Variants in ROBO1 observed in about 807,000 individuals in gnomAD.
ROBO1 encodes roundabout homolog 1.
A neutral mutation model predicts 195.9 loss-of-function variants in ROBO1; 149 were observed. The ratio of observed to expected loss-of-function variants is 0.76; its 90% CI spans 0.67 to 0.87. ROBO1 has a LOEUF of 0.87. Among genes scored for constraint, ROBO1 ranks in the 40% least tolerant of loss-of-function variants. The probability of loss-of-function intolerance (pLI) is 0.00; values close to 1 mark genes in which losing one functional copy is unlikely to be tolerated. For synonymous variants in ROBO1, 816 were observed against 733.2 expected (o/e 1.11, Z -1.82); for missense variants, 1,933 against 2,068.3 (o/e 0.93, Z 1.27).
At chr3:79,711,924 C>T (rs1039625441) in intron 1 of ROBO1, among the ~76,000 whole-genome samples, 2 of 4,128 alleles carry the variant, frequency 4.8e-4, no homozygotes, top group Admixed American at 1.9e-3. Context: ...GGGGGATGGG[C>T]GGGTGGGTGG....
intron 1 of ROBO1, among the ~76,000 whole-genome samples, chr3:79,683,121 T>C (rs1186128715): frequency 1.3e-5 from 2 of 152,048 alleles, no homozygotes; most frequent in Non-Finnish European, 2.9e-5. Flanking sequence ...TTGATTTTTT[T>C]CTATCTTTGG....
intron 4 of ROBO1, among the ~76,000 whole-genome samples, chr3:78,808,664 A>G (rs569430332): frequency 6.6e-6 from 1 of 152,338 alleles, no homozygotes; most frequent in Non-Finnish European, 1.5e-5. Flanking sequence ...TGTTAAAAGC[A>G]ATCCTCAGAG....
chr3:79,557,741 A>AAAAAT (rs1942757907), intron 2 of ROBO1, among the ~76,000 whole-genome samples: 1 of 105,972 alleles, frequency 9.4e-6, no homozygotes, highest in Non-Finnish European at 1.9e-5. Flanking sequence ...AAAACAAAAA[A>AAAAAT]AAATATATAT....
At chr3:79,151,113 C>T (rs542796242) in intron 2 of ROBO1, among the ~76,000 whole-genome samples, 54 of 151,938 alleles carry the variant, frequency 3.6e-4, no homozygotes, top group African/African-American at 9.9e-4. Context: ...CTCTTGACTG[C>T]CGCCATGTAA....
intron 8 of ROBO1, among the ~76,000 whole-genome samples, chr3:78,713,833 A>G (rs1413371642): frequency 6.6e-6 from 1 of 152,366 alleles, no homozygotes; most frequent in East Asian, 1.9e-4. Flanking sequence ...TACAACTGCA[A>G]TTCGTTCAAT....
rs1465295594 is a variant in ROBO1 at position 78,617,917 on chromosome 3, C to A, written c.4000G>T (p.Ala1334Ser). Residue 1334 changes from alanine (A) to serine (S), a missense_variant, in exon 27 of 31, where the codon GCC becomes TCC. Ala to Ser is a moderately conservative substitution (Grantham distance 99, BLOSUM62 1). This residue lies in a region of ROBO1 where 1,737 missense variants were observed against 1,882.5 expected (regional missense o/e 0.92). Coordinates refer to ENST00000464233, the MANE Select transcript of ROBO1 (RefSeq NM_002941.4). ...TDAPEEEEDEADMEVAKMQTR... is the reference protein window; with the variant it reads ...TDAPEEEEDESDMEVAKMQTR... ...TGCATCTTGGCTACCTCCATGTCGGCTTCGTCTTCTTCCTCTTCTGGCGCA... is the reference window on the plus strand; with the variant it reads ...TGCATCTTGGCTACCTCCATGTCGGATTCGTCTTCTTCCTCTTCTGGCGCA... The A allele has an allele frequency of 6.2e-7, 1 of 1,613,880 alleles. No homozygotes were observed. The highest frequency in any genetic ancestry group is 1.3e-5 in the African/African-American group (1 of 74,930).
intron 4 of ROBO1, among the ~76,000 whole-genome samples, chr3:78,758,515 G>C (rs62257475): frequency 1.9e-5 from 2 of 107,384 alleles, no homozygotes; most frequent in Non-Finnish European, 3.4e-5. Context: ...GACAGAGTGA[G>C]ACCCTATCTC....
rs190107914 is a variant in ROBO1 at position 79,482,889 on chromosome 3, G to A, written c.88+106935C>T. On this transcript the variant is annotated intron_variant, in intron 2 of 30. Coordinates refer to ENST00000464233, the MANE Select transcript of ROBO1 (RefSeq NM_002941.4). ...AATAAATAGTTAATTTTATCCTCAA[G>A]TCCATTTTCCTCTTCTTCTATAATA... 2.6e-3 allele frequency among the ~76,000 whole-genome samples: 392 copies of A among 152,196 alleles called. 2 individuals are homozygous for A. Among genetic ancestry groups the A allele is most frequent in the African/African-American group, 8.1e-3 (337 of 41,538 alleles).
At chr3:79,337,045 T>C in intron 2 of ROBO1, among the ~76,000 whole-genome samples, 1 of 152,220 alleles carries the variant, frequency 6.6e-6, no homozygotes, top group East Asian at 1.9e-4. Context: ...GGAATGGGTG[T>C]ATTTACTCAA....
At chr3:79,222,878 T>C (rs974766329) in intron 2 of ROBO1, among the ~76,000 whole-genome samples, 1 of 152,172 alleles carries the variant, frequency 6.6e-6, no homozygotes, top group Admixed American at 6.6e-5. Flanking sequence ...AGAGTGTTTT[T>C]AGACCAGATA....
rs1323806328 is a variant in ROBO1 at position 78,659,784 on chromosome 3, C to T, written c.2344G>A (p.Val782Ile). ...TTTCCATCATTCTTGGATACAGTTACACCTTGGGGTGGGGCACTGGGTGCT... is the reference window on the plus strand; with the variant it reads ...TTTCCATCATTCTTGGATACAGTTATACCTTGGGGTGGGGCACTGGGTGCT... ...EEAPSAPPQG[V>I]TVSKNDGNGT... The change falls in exon 17 of 31, where the codon GTA becomes ATA. Residue 782 changes from valine to isoleucine, a missense_variant. By Grantham distance (29) the Val-to-Ile change is conservative. Around this residue, in one of 3 missense-constraint regions of ROBO1, gnomAD observed 1,737 missense variants for 1,882.5 expected, o/e 0.92. Transcript: ENST00000464233. 5.6e-6 allele frequency: 9 copies of T among 1,604,544 alleles called. No homozygotes were observed. The South Asian group carries it at 6.7e-5, about 12-fold the overall frequency.
intron 1 of ROBO1, among the ~76,000 whole-genome samples, chr3:79,654,260 T>G: frequency 6.6e-6 from 1 of 152,096 alleles, no homozygotes; most frequent in Non-Finnish European, 1.5e-5. Context: ...AAACAAGTAT[T>G]ACTAGAGCTT....
At chr3:79,489,509 G>T (rs981722505) in intron 2 of ROBO1, among the ~76,000 whole-genome samples, 1 of 151,892 alleles carries the variant, frequency 6.6e-6, no homozygotes, top group Non-Finnish European at 1.5e-5. Flanking sequence ...ACAAAAATTA[G>T]CTGGGTGAGG....
chr3:79,300,117 C>T lies in ROBO1; in HGVS notation c.89-174578G>A, dbSNP rs564301015. On this transcript the variant is annotated intron_variant, in intron 2 of 30. Transcript: ENST00000464233. ...TCCTCTGCCTGGGCTCCCACTTTGG[C>T]GGCACTTGAGGAGCCCCTCAGCCCA... 3.0e-4 allele frequency among the ~76,000 whole-genome samples: 46 copies of T among 152,312 alleles called. No homozygotes were observed. The South Asian group carries it at 8.3e-3, about 27-fold the overall frequency.
At chr3:79,037,915 G>C (rs913811703) in intron 3 of ROBO1, among the ~76,000 whole-genome samples, 1 of 152,056 alleles carries the variant, frequency 6.6e-6, no homozygotes, top group Admixed American at 6.5e-5. Flanking sequence ...TAGTTCTTTT[G>C]AACACTTTAC....
chr3:78,710,291 C>T (rs2108008350), intron 8 of ROBO1, among the ~76,000 whole-genome samples: 1 of 152,208 alleles, frequency 6.6e-6, no homozygotes, highest in Non-Finnish European at 1.5e-5. Context: ...CACAAGCATT[C>T]CTCCTGCCTC....
At chr3:79,198,005 G>A (rs1270383401) in intron 2 of ROBO1, among the ~76,000 whole-genome samples, 2 of 151,748 alleles carry the variant, frequency 1.3e-5, no homozygotes, top group African/African-American at 4.8e-5. Context: ...CACTCTGATA[G>A]TACTTTCTTT....
chr3:79,418,060 C>A (rs984370269), intron 2 of ROBO1, among the ~76,000 whole-genome samples: 1 of 152,058 alleles, frequency 6.6e-6, no homozygotes, highest in East Asian at 1.9e-4. Context: ...AAGCAATATA[C>A]AAGTGATTCA....
intron 2 of ROBO1, among the ~76,000 whole-genome samples, chr3:79,380,117 C>A (rs2036519676): frequency 6.6e-6 from 1 of 152,120 alleles, no homozygotes; most frequent in Non-Finnish European, 1.5e-5. Context: ...TCTATTACTC[C>A]ATGCATCATG....
Sources: allele counts gnomAD v4.1 joint callset (sites outside exome capture counted in the v4.1 genomes callset), GRCh38; gene constraint gnomAD v4.1.1; regional missense constraint gnomAD v4.1.1; transcripts MANE v1.5; gene names NCBI Gene and HGNC (gene_info 2026-07-23, HGNC 2026-07-21).